The following WDR27 variants were observed in gnomAD, a reference collection of about 807,000 sequenced individuals.
WDR27 encodes WD repeat-containing protein 27.
WDR27 carries 100 observed loss-of-function variants against 114.4 expected under a neutral mutation model. That is an observed-to-expected ratio of 0.87 (90% CI 0.74 to 1.03). The LOEUF is 1.03. WDR27 is among the 50% of genes least tolerant of loss of function. WDR27 has a pLI of 0.00. For synonymous variants in WDR27, 449 were observed against 423.1 expected, an observed-to-expected ratio of 1.06 and a Z score of -0.75; for missense variants, 1,129 against 1,092.9, an observed-to-expected ratio of 1.03 and a Z score of -0.47.
chr6:169,650,117 CCACT>C (rs1475679346), intron 14 of WDR27, among the ~76,000 whole-genome samples: 1 of 148,974 alleles, frequency 6.7e-6, no homozygotes, highest in African/African-American at 2.5e-5. Context: ...CTCCATCCAT[CCACT>C]CACTCATCCA....
intron 25 of WDR27, among the ~76,000 whole-genome samples, chr6:169,567,361 T>C (rs1800665323): frequency 6.6e-6 from 1 of 152,186 alleles, no homozygotes; most frequent in African/African-American, 2.4e-5. Flanking sequence ...ATGTGCCTGT[T>C]GTGGAACTGA....
At chr6:169,591,416 G>C (rs1805718970) in intron 23 of WDR27, among the ~76,000 whole-genome samples, 1 of 152,148 alleles carries the variant, frequency 6.6e-6, no homozygotes, top group Non-Finnish European at 1.5e-5. Context: ...CTACTTGTCT[G>C]CAATTCTCTA....
intron 10 of WDR27, 59 bp downstream of exon 10, chr6:169,660,604 C>T: frequency 7.1e-7 from 1 of 1,414,980 alleles, no homozygotes; most frequent in Non-Finnish European, 1.0e-6. Context: ...TTACACTACC[C>T]CACATACCAG....
chr6:169,606,899 A>T (rs1463001006), intron 22 of WDR27, among the ~76,000 whole-genome samples: 1 of 152,218 alleles, frequency 6.6e-6, no homozygotes, highest in Non-Finnish European at 1.5e-5. Flanking sequence ...ATTGTCTTCC[A>T]CAATGGTTGA....
intron 21 of WDR27, among the ~76,000 whole-genome samples, chr6:169,625,097 C>T (rs1004100329): frequency 3.9e-5 from 6 of 152,244 alleles, no homozygotes; most frequent in Admixed American, 2.6e-4. Flanking sequence ...AGGCTGAGTC[C>T]TGGAGTGTCC....
rs1326233021 is a variant in WDR27 at position 169,644,812 on chromosome 6, A to G, written c.1658-1026T>C. On this transcript the variant is annotated intron_variant, in intron 16 of 25. Coordinates refer to ENST00000448612, the MANE Select transcript of WDR27 (RefSeq NM_182552.5). ...ATCACGAGGTCAGGAGATCGAGACC[A>G]TCCCGGCTAAAACGGTGAAACCCCG... Among the ~76,000 whole-genome samples, 4 of 113,222 alleles carry G rather than the reference A, an allele frequency of 3.5e-5. 1 individual carries two copies. The highest frequency in any genetic ancestry group is 6.8e-5 in the Non-Finnish European group (4 of 58,738). The allele number at this position is 113,222 out of a possible 152,430, so 74.3% of individuals were successfully genotyped here.
At chr6:169,653,490 T>C (rs1235782173) in intron 13 of WDR27, among the ~76,000 whole-genome samples, 1 of 152,098 alleles carries the variant, frequency 6.6e-6, no homozygotes, top group Non-Finnish European at 1.5e-5. Context: ...CAAAAATCAG[T>C]CTTTACCACA....
At chr6:169,680,236 C>T (rs373371948) in intron 2 of WDR27, among the ~76,000 whole-genome samples, 3 of 152,026 alleles carry the variant, frequency 2.0e-5, no homozygotes, top group African/African-American at 7.3e-5. Context: ...AATATAATTA[C>T]GTGGGTAGAT....
intron 25 of WDR27, among the ~76,000 whole-genome samples, chr6:169,525,263 G>A (rs922686461): frequency 2.6e-5 from 4 of 152,086 alleles, no homozygotes; most frequent in African/African-American, 4.8e-5. Context: ...TCGGCCAGGC[G>A]TGGTGGTTTA....
chr6:169,595,658 T>C lies in WDR27; in HGVS notation c.2424+6561A>G, dbSNP rs369506829. On this transcript the variant is annotated intron_variant, in intron 23 of 25. Coordinates refer to ENST00000448612, the MANE Select transcript of WDR27 (RefSeq NM_182552.5). ...TTTTGTACTATTAAACTATAACAGA[T>C]AGAATATTTACAAAGTATTCTGGTA... is the stretch of plus-strand genomic sequence containing the variant. Among the ~76,000 whole-genome samples the C allele has an allele frequency of 2.0e-4, 30 of 152,322 alleles. No homozygotes were observed. In the East Asian group the frequency reaches 2.7e-3, roughly 14 times the overall value.
intron 25 of WDR27, among the ~76,000 whole-genome samples, chr6:169,475,469 C>T (rs550019040): frequency 4.2e-4 from 64 of 152,268 alleles, no homozygotes; most frequent in Admixed American, 1.5e-3. Flanking sequence ...GTGATCCACC[C>T]GCCTCAGCCT....
rs778216779 is a variant in WDR27, at chr6:169,672,223, T to C, written c.331+32A>G. ...AAGGATGAGTTATTCCTTTTGCAGG[T>C]TTTTAAAAACATGTTTTAGATTTTC... On this transcript the variant is annotated intron_variant, in intron 3 of 25. Transcript: ENST00000448612. 5 of 1,605,190 alleles carry C rather than the reference T, an allele frequency of 3.1e-6. No homozygotes were observed. The Admixed American group carries it at 8.5e-5, about 27-fold the overall frequency.
At chr6:169,648,004 T>C (rs949710008) in intron 15 of WDR27, 134 bp from the exon 16 acceptor site, 4 of 600,684 alleles carry the variant, frequency 6.7e-6, no homozygotes, top group Middle Eastern at 3.0e-4. Context: ...TGAATATTTA[T>C]CTATATGTCT....
chr6:169,512,565 G>T (rs908698543), intron 25 of WDR27, among the ~76,000 whole-genome samples: 1 of 152,174 alleles, frequency 6.6e-6, no homozygotes, highest in Non-Finnish European at 1.5e-5. Flanking sequence ...AAAATGTTTA[G>T]TAAGAGCTAC....
intron 25 of WDR27, among the ~76,000 whole-genome samples, chr6:169,479,783 G>T (rs1787702433): frequency 6.6e-6 from 1 of 152,252 alleles, no homozygotes; most frequent in African/African-American, 2.4e-5. Context: ...TGTTATGGGA[G>T]TTTGTTGTAG....
intron 25 of WDR27, among the ~76,000 whole-genome samples, chr6:169,519,517 A>G (rs2902927): frequency 0.89 from 135,164 of 151,964 alleles, 61,128 homozygotes; most frequent in Non-Finnish European, 0.94. Context: ...ACAAGAGAGA[A>G]TGGGGGGTGG....
chr6:169,488,254 T>C (rs1404192177), intron 25 of WDR27, among the ~76,000 whole-genome samples: 4 of 152,242 alleles, frequency 2.6e-5, no homozygotes, highest in Non-Finnish European at 2.9e-5. Context: ...TCTAGCGTGG[T>C]TGCCGCTGTT....
chr6:169,661,020 C>T (rs1825952860), intron 9 of WDR27, among the ~76,000 whole-genome samples: 1 of 152,014 alleles, frequency 6.6e-6, no homozygotes, highest in African/African-American at 2.4e-5. Context: ...TTGGGCCCCA[C>T]GTGCGCCCCC....
chr6:169,482,383 C>A (rs1450488837), intron 25 of WDR27, among the ~76,000 whole-genome samples: 1 of 152,144 alleles, frequency 6.6e-6, no homozygotes, highest in East Asian at 1.9e-4. Context: ...CACTGTCTTC[C>A]ACAATGGTTG....
Sources: gnomAD v4.1 joint callset for allele counts (sites outside exome capture counted in the v4.1 genomes callset) on GRCh38, gnomAD v4.1.1 for gene constraint, MANE v1.5 for transcripts, NCBI Gene and HGNC (gene_info 2026-07-23, HGNC 2026-07-21) for gene names.